Variants in EPB41L1 observed in about 807,000 individuals in gnomAD.
EPB41L1 encodes the protein band 4.1-like protein 1.
Under a neutral mutation model 97.8 loss-of-function variants are expected in EPB41L1, and 29 were observed. That is an observed-to-expected ratio of 0.30 (90% CI 0.22 to 0.40). The LOEUF is 0.40. Ranked by LOEUF, EPB41L1 falls within the 10% of genes least tolerant of loss-of-function variation. EPB41L1 has a pLI of 1.00. For missense variants in EPB41L1, 812 were observed against 1,162.3 expected (o/e 0.70, Z 4.38); for synonymous variants, 383 against 459.2 (o/e 0.83, Z 2.12).
At chr20:36,125,033 G>A (rs1365212740) in intron 2 of EPB41L1, among the ~76,000 whole-genome samples, 1 of 152,178 alleles carries the variant, frequency 6.6e-6, no homozygotes, top group Admixed American at 6.6e-5. Context: ...TGAAAGAGTA[G>A]CTGGAAGTCA....
intron 2 of EPB41L1, among the ~76,000 whole-genome samples, chr20:36,124,968 C>T (rs1237173232): frequency 6.6e-6 from 1 of 152,086 alleles, no homozygotes; most frequent in Non-Finnish European, 1.5e-5. Flanking sequence ...GAAAGTGATG[C>T]ACTCGTGCCA....
chr20:36,170,040 G>A (rs910435852), intron 1 of EPB41L1, among the ~76,000 whole-genome samples: 4 of 152,202 alleles, frequency 2.6e-5, no homozygotes, highest in Non-Finnish European at 1.5e-5. Context: ...CCACGTGACG[G>A]GCTATGTCAG....
chr20:36,145,395 C>CAA (rs1188803832), intron 2 of EPB41L1, among the ~76,000 whole-genome samples: 862 of 65,526 alleles, frequency 0.013, 13 homozygotes, highest in African/African-American at 0.042. Flanking sequence ...GACTCCATCT[C>CAA]AAAAAAAAAA....
chr20:36,202,972 CCT>C (rs1046226927), intron 14 of EPB41L1, among the ~76,000 whole-genome samples: 10 of 152,322 alleles, frequency 6.6e-5, no homozygotes, highest in East Asian at 3.9e-4. Context: ...TCTCCCCACC[CCT>C]GTTGCCAGCT....
At chr20:36,157,681 G>A (rs1483955366) in intron 1 of EPB41L1, among the ~76,000 whole-genome samples, 2 of 152,166 alleles carry the variant, frequency 1.3e-5, no homozygotes, top group Admixed American at 6.5e-5. Context: ...AGGGGTAGGG[G>A]TAGATAAGTA....
rs958339703 is a variant in EPB41L1, at chr20:36,109,110, A to AT, written c.-64-3306dup. Reference sequence around the variant, plus strand: ...AGGCGCCTGCCACCACGCCCGGCTAATTTTTTTTTTGTATTTTTAGTAGAG... The same window carrying AT: ...AGGCGCCTGCCACCACGCCCGGCTAATTTTTTTTTTTGTATTTTTAGTAGAG... On this transcript the variant is annotated intron_variant, in intron 1 of 19. Transcript: ENST00000202028. 4.7e-3 allele frequency among the ~76,000 whole-genome samples: 705 copies of AT among 149,238 alleles called. 6 individuals carry two copies. The highest frequency in any genetic ancestry group is 0.015 in the African/African-American group (613 of 40,758).
intron 2 of EPB41L1, among the ~76,000 whole-genome samples, chr20:36,134,358 C>G (rs1276535533): frequency 6.6e-6 from 1 of 152,200 alleles, no homozygotes; most frequent in East Asian, 1.9e-4. Flanking sequence ...TTAAGCAGAT[C>G]CCCACTAATC....
In EPB41L1 at chr20:36,173,833, C is replaced by G. The variant is rs747082511; in HGVS notation, c.56C>G (p.Pro19Arg). The change falls in exon 2 of 22, where the codon CCG (proline) becomes CGG (arginine). Residue 19 changes from proline to arginine, a missense_variant. Pro to Arg is a moderately radical substitution (Grantham distance 103). This residue lies in a region of EPB41L1 where 84 missense variants were observed against 94.3 expected (regional missense o/e 0.89). Transcript: ENST00000338074. ...GTGAAGAAAGCTCAGGAGGAGGCCCCGCAGCAGCCCGAGGCTGCTGCCGCT... is the reference window on the plus strand; with the variant it reads ...GTGAAGAAAGCTCAGGAGGAGGCCCGGCAGCAGCCCGAGGCTGCTGCCGCT... The part of the protein sequence containing the change: ...SEVKKAQEEA[P>R]QQPEAAAAVT... 6.2e-7 allele frequency: 1 copy of G among 1,613,724 alleles called. No individual in the cohort carries two copies. The highest frequency in any genetic ancestry group is 1.7e-5 in the Admixed American group (1 of 59,996).
rs1569321797 is a variant in EPB41L1, at chr20:36,207,610, C to G, written c.1669-1878C>G. On this transcript the variant is annotated intron_variant, in intron 14 of 21. Transcript: ENST00000338074. The surrounding 1 kb of genome is among the most constrained non-coding windows in gnomAD (Gnocchi z 4.9). ...CCTGGGCTTCGCCCAACTCCAGCCCCCAGGGGACTTTGCCAGCCCCAAAGC... is the reference window on the plus strand; with the variant it reads ...CCTGGGCTTCGCCCAACTCCAGCCCGCAGGGGACTTTGCCAGCCCCAAAGC... 7.8e-7 allele frequency: 1 copy of G among 1,290,060 alleles called. No individual in the cohort carries two copies. The highest frequency in any genetic ancestry group is 1.0e-6 in the Non-Finnish European group (1 of 988,926). The allele number at this position is 1,290,060 out of a possible 1,614,324, so 79.9% of individuals were successfully genotyped here.
At chr20:36,161,945 G>T (rs1210226818) in intron 1 of EPB41L1, among the ~76,000 whole-genome samples, 1 of 152,120 alleles carries the variant, frequency 6.6e-6, no homozygotes, top group Admixed American at 6.5e-5. Context: ...GGGGCACAGG[G>T]TAAAGACAGT....
intron 2 of EPB41L1, among the ~76,000 whole-genome samples, chr20:36,144,258 A>G (rs2059754733): frequency 6.6e-6 from 1 of 152,218 alleles, no homozygotes; most frequent in Admixed American, 6.5e-5. Flanking sequence ...GCAAAGGTCA[A>G]ATCAAGGTTT....
At chr20:36,129,455 G>A (rs1311248221) in intron 2 of EPB41L1, among the ~76,000 whole-genome samples, 6 of 152,104 alleles carry the variant, frequency 3.9e-5, no homozygotes, top group Non-Finnish European at 7.4e-5. Flanking sequence ...TGTGAGGGCC[G>A]ATTGTTAGAT....
At chr20:36,214,321 G>C in intron 16 of EPB41L1, 36 bp from the exon 17 acceptor site, 1 of 1,571,062 alleles carries the variant, frequency 6.4e-7, no homozygotes, top group Non-Finnish European at 8.8e-7. Context: ...GGTATACCCA[G>C]CTCTCCCCAG....
intron 5 of EPB41L1, 98 bp from the exon 6 acceptor site, chr20:36,182,174 C>T: frequency 9.8e-7 from 1 of 1,016,884 alleles, no homozygotes; most frequent in Admixed American, 1.7e-5. Flanking sequence ...TGAGATTATA[C>T]ATAGGAGAAA....
At position 36,195,942 on chromosome 20, in the gene EPB41L1, G is replaced by GTCGA. The variant is rs1654235390; in HGVS notation, c.1485+579_1485+582dup. On this transcript the variant is annotated intron_variant, in intron 13 of 21. Transcript: ENST00000338074. This position sits in a 1 kb window ranked among gnomAD's most constrained non-coding sequence, Gnocchi z 4.6. ...CAGTCCTACACCTCCCCCAGGCAGG[G>GTCGA]TCGACTACTGCTCCGCTATGGCAAA... Among the ~76,000 whole-genome samples, 1 of 152,182 alleles carries GTCGA rather than the reference G, an allele frequency of 6.6e-6. No individual in the cohort carries two copies. The highest frequency in any genetic ancestry group is 6.5e-5 in the Admixed American group (1 of 15,276).
chr20:36,206,084 C>A lies in EPB41L1; in HGVS notation c.1669-3404C>A. On this transcript the variant is annotated intron_variant, in intron 14 of 21. Transcript: ENST00000338074. This position sits in a 1 kb window ranked among gnomAD's most constrained non-coding sequence, Gnocchi z 5.5. Reference sequence around the variant, plus strand: ...ACCCAGCAACAAGGAAAAATGATTGCAAGTCCTGAAGACTTTGAGTCAGTG... The same window carrying A: ...ACCCAGCAACAAGGAAAAATGATTGAAAGTCCTGAAGACTTTGAGTCAGTG... 1 of 1,289,886 alleles carries A rather than the reference C, an allele frequency of 7.8e-7. No homozygotes were observed. The highest frequency in any genetic ancestry group is 1.0e-6 in the Non-Finnish European group (1 of 988,898). The allele number at this position is 1,289,886 out of a possible 1,614,324, so 79.9% of individuals were successfully genotyped here. A position where few individuals can be genotyped will look rare whatever the true frequency, so the allele number is the denominator to read the frequency against.
rs570027592 is a variant in EPB41L1, at chr20:36,108,628, C to T, written c.-64-3798C>T. Among the ~76,000 whole-genome samples the T allele has an allele frequency of 1.3e-4, 20 of 152,072 alleles. No homozygotes were observed. In the South Asian group the frequency reaches 4.2e-3, roughly 32 times the overall value. ...GGCAGAGGCTGCAGTGAGCCAAGAT[C>T]GTGCCACTGCACTCCAGCCTGGGTG... On this transcript the variant is annotated intron_variant, in intron 1 of 19. Coordinates refer to the EPB41L1 transcript ENST00000202028.
At position 36,167,893 on chromosome 20, in the gene EPB41L1, T is replaced by G. The variant is rs190288642; in HGVS notation, c.-14-5871T>G. Among the ~76,000 whole-genome samples, 464 of 152,036 alleles carry G rather than the reference T, an allele frequency of 3.1e-3. 6 individuals are homozygous for G. Among genetic ancestry groups the G allele is most frequent in the African/African-American group, 0.011 (437 of 41,472 alleles). On this transcript the variant is annotated intron_variant, in intron 1 of 21. Coordinates refer to ENST00000338074, the MANE Select transcript of EPB41L1 (RefSeq NM_012156.2). ...CCCCTGGAACAAGCTGATAGTGGCT[T>G]AGATTTAGGCAGTTGCAATGGTGAT...
intron 3 of EPB41L1, among the ~76,000 whole-genome samples, chr20:36,176,256 G>A (rs982280025): frequency 3.3e-5 from 5 of 152,196 alleles, no homozygotes; most frequent in African/African-American, 1.2e-4. Flanking sequence ...AAACCCTGTG[G>A]TATGGCCCTG....
Sources: gnomAD v4.1 joint callset for allele counts (sites outside exome capture counted in the v4.1 genomes callset) on GRCh38, gnomAD v4.1.1 for gene constraint, gnomAD v4.1.1 regional missense constraint, Gnocchi (gnomAD v3.1) non-coding constraint, MANE v1.5 for transcripts, NCBI Gene and HGNC (gene_info 2026-07-23, HGNC 2026-07-21) for gene names.